Variants in FGF14 observed in about 807,000 individuals in gnomAD.
FGF14 encodes fibroblast growth factor homologous factor 4.
A neutral mutation model predicts 25.5 loss-of-function variants in FGF14; 5 were observed. The observed-to-expected ratio is 0.20, with a 90% CI of 0.10 to 0.41. The LOEUF is 0.41. Ranked by LOEUF, FGF14 falls within the 10% of genes least tolerant of loss-of-function variation. The probability of loss-of-function intolerance (pLI) is 1.00; values close to 1 mark genes in which losing one functional copy is unlikely to be tolerated. For missense variants in FGF14, 222 were observed against 320.1 expected (o/e 0.69, Z 2.34); for synonymous variants, 138 against 118.3 (o/e 1.17, Z -1.08).
In FGF14 at chr13:101,870,170, T is replaced by C. The variant is rs187707629; in HGVS notation, c.305-1342A>G. On this transcript the variant is annotated intron_variant, in intron 2 of 4. Transcript: ENST00000376143. ...TTCTTATGAAAGAATTAGTTTTTTT[T>C]CCTCATTTCCATTATTTAATATTAA... Among the ~76,000 whole-genome samples the C allele has an allele frequency of 2.6e-4, 39 of 152,260 alleles. 1 individual carries two copies. The highest frequency in any genetic ancestry group is 7.5e-4 in the African/African-American group (31 of 41,552).
At chr13:102,051,694 C>T (rs1057162217) in intron 1 of FGF14, among the ~76,000 whole-genome samples, 2 of 152,172 alleles carry the variant, frequency 1.3e-5, no homozygotes, top group Admixed American at 6.5e-5. Context: ...CACAGCAGCA[C>T]CCTTACTGGT....
chr13:102,281,690 CTTTT>C (rs539883822), intron 1 of FGF14, among the ~76,000 whole-genome samples: 1 of 135,042 alleles, frequency 7.4e-6, no homozygotes, highest in Non-Finnish European at 1.6e-5. Flanking sequence ...ATCCTAACTT[CTTTT>C]TTTTTTTTTT....
Position 102,265,606 on chromosome 13 carries a change from T to A in FGF14, c.208+135865A>T, listed in dbSNP as rs924487422. Among the ~76,000 whole-genome samples the A allele has an allele frequency of 2.6e-5, 4 of 152,268 alleles. 1 individual carries two copies. ...TAACATTCCAGATTTTCATGTCTTA[T>A]TCTGTTTGATTCTCACAAAATAGCC... On this transcript the variant is annotated intron_variant, in intron 1 of 4. Coordinates refer to the FGF14 transcript ENST00000376131.
chr13:102,157,245 T>C, intron 1 of FGF14, among the ~76,000 whole-genome samples: 1 of 152,192 alleles, frequency 6.6e-6, no homozygotes, highest in Admixed American at 6.5e-5. Context: ...TCATGCTACC[T>C]GACTTCAAAC....
At chr13:101,834,038 TATC>T (rs1288590393) in intron 3 of FGF14, among the ~76,000 whole-genome samples, 2 of 152,090 alleles carry the variant, frequency 1.3e-5, no homozygotes, top group Admixed American at 6.6e-5. Context: ...AAACGAATAA[TATC>T]ATATTCCTCT....
chr13:102,323,831 C>T (rs190281885), intron 1 of FGF14, among the ~76,000 whole-genome samples: 1 of 152,300 alleles, frequency 6.6e-6, no homozygotes, highest in East Asian at 1.9e-4. Flanking sequence ...TGCTCTCCCA[C>T]TTGTAATGTA....
At chr13:101,913,642 T>TC (rs894704134) in intron 1 of FGF14, among the ~76,000 whole-genome samples, 2 of 152,176 alleles carry the variant, frequency 1.3e-5, no homozygotes, top group African/African-American at 2.4e-5. Context: ...CTCTTTTTTT[T>TC]CTCCCAATGG....
At chr13:102,090,243 T>C (rs2044106036) in intron 1 of FGF14, among the ~76,000 whole-genome samples, 1 of 152,252 alleles carries the variant, frequency 6.6e-6, no homozygotes, top group African/African-American at 2.4e-5. Flanking sequence ...TATTGAATTT[T>C]TCAAGTAATC....
At chr13:102,069,335 C>G (rs2043052975) in intron 1 of FGF14, among the ~76,000 whole-genome samples, 1 of 152,046 alleles carries the variant, frequency 6.6e-6, no homozygotes, top group South Asian at 2.1e-4. Flanking sequence ...AGCGCCCTGT[C>G]AAAAAAGGCC....
chr13:102,229,677 T>C (rs1411513555), intron 1 of FGF14, among the ~76,000 whole-genome samples: 2 of 152,222 alleles, frequency 1.3e-5, no homozygotes, highest in East Asian at 1.9e-4. Context: ...TTCTTTATTC[T>C]ACCTCAAGGC....
At chr13:101,888,060 A>C (rs368386901) in intron 1 of FGF14, among the ~76,000 whole-genome samples, 1 of 152,298 alleles carries the variant, frequency 6.6e-6, no homozygotes, top group Admixed American at 6.5e-5. Flanking sequence ...GAGGAAGTCC[A>C]AAGTATTTTT....
intron 1 of FGF14, among the ~76,000 whole-genome samples, chr13:102,309,637 G>A (rs574555531): frequency 9.1e-4 from 138 of 152,236 alleles, no homozygotes; most frequent in African/African-American, 3.2e-3. Context: ...TGCAAAAATC[G>A]GATGAGCACT....
chr13:102,319,806 T>C (rs983926789), intron 1 of FGF14, among the ~76,000 whole-genome samples: 2 of 152,196 alleles, frequency 1.3e-5, no homozygotes, highest in East Asian at 1.9e-4. Context: ...GTGACTGATA[T>C]GTGGATGATG....
rs1331171833 is a variant in FGF14, at chr13:102,110,206, T to C, written c.209-234910A>G. Among the ~76,000 whole-genome samples, 9 of 152,186 alleles carry C rather than the reference T, an allele frequency of 5.9e-5. No individual in the cohort carries two copies. The East Asian group carries it at 9.6e-4, about 16-fold the overall frequency. Reference sequence around the variant, plus strand: ...AGCTTTAATGTGATGAGATTTGTTATAAAAAATGACATTTAATGGAATGTT... The same window carrying C: ...AGCTTTAATGTGATGAGATTTGTTACAAAAAATGACATTTAATGGAATGTT... On this transcript the variant is annotated intron_variant, in intron 1 of 4. Transcript: ENST00000376131.
At chr13:102,122,502 CTCT>C (rs1435073860) in intron 1 of FGF14, among the ~76,000 whole-genome samples, 1 of 152,176 alleles carries the variant, frequency 6.6e-6, no homozygotes, top group Non-Finnish European at 1.5e-5. Flanking sequence ...ATATAGAGCG[CTCT>C]CCCCAAAATA....
At chr13:102,252,031 A>G (rs2052202471) in intron 1 of FGF14, among the ~76,000 whole-genome samples, 1 of 152,202 alleles carries the variant, frequency 6.6e-6, no homozygotes, top group Admixed American at 6.5e-5. Context: ...ACAATGTTTT[A>G]CTGATCCCAG....
At chr13:102,291,668 G>A (rs1194782933) in intron 1 of FGF14, among the ~76,000 whole-genome samples, 1 of 152,096 alleles carries the variant, frequency 6.6e-6, no homozygotes, top group African/African-American at 2.4e-5. Context: ...ACCAAGGAAA[G>A]AATGTTAAAG....
intron 1 of FGF14, among the ~76,000 whole-genome samples, chr13:102,299,148 A>C (rs1216030066): frequency 6.6e-6 from 1 of 152,204 alleles, no homozygotes; most frequent in Non-Finnish European, 1.5e-5. Context: ...TTTTCTAAGC[A>C]AAAGAATAGC....
intron 1 of FGF14, among the ~76,000 whole-genome samples, chr13:102,061,433 G>C (rs482960): frequency 0.44 from 66,344 of 152,182 alleles, 19,387 homozygotes; most frequent in African/African-American, 0.82. Context: ...ACGAGCCACA[G>C]CCCCATGGCA....
Sources: allele counts gnomAD v4.1 joint callset (sites outside exome capture counted in the v4.1 genomes callset), GRCh38; gene constraint gnomAD v4.1.1; transcripts MANE v1.5; gene names NCBI Gene and HGNC (gene_info 2026-07-23, HGNC 2026-07-21).